Variants in FHIT observed in about 807,000 individuals in gnomAD.
The protein encoded by FHIT is bis(5'-adenosyl)-triphosphatase.
In FHIT, 19 loss-of-function variants were observed where a neutral mutation model predicts 17.9. The observed-to-expected ratio is 1.06, with a 90% CI of 0.74 to 1.56. The LOEUF (loss-of-function observed/expected upper bound fraction) is 1.56. Ranked by LOEUF, FHIT falls within the 40% of genes most tolerant of loss-of-function variation. The probability of loss-of-function intolerance (pLI) is 0.00; values close to 1 mark genes in which losing one functional copy is unlikely to be tolerated. For synonymous variants in FHIT, 81 were observed against 69.7 expected (o/e 1.16, Z -0.81); for missense variants, 248 against 189.2 (o/e 1.31, Z -1.82).
chr3:61,080,672 C>A (rs2035107544), intron 2 of FHIT, among the ~76,000 whole-genome samples: 1 of 151,994 alleles, frequency 6.6e-6, no homozygotes, highest in African/African-American at 2.4e-5. Context: ...GTTTACAAAA[C>A]CCATTCATTT....
At chr3:60,197,733 A>T (rs558251428) in intron 5 of FHIT, among the ~76,000 whole-genome samples, 1 of 152,214 alleles carries the variant, frequency 6.6e-6, no homozygotes, top group South Asian at 2.1e-4. Context: ...ATTGACTGGA[A>T]ATCTGAAAAA....
chr3:61,233,059 C>A (rs374208712), intron 1 of FHIT, among the ~76,000 whole-genome samples: 2 of 152,106 alleles, frequency 1.3e-5, no homozygotes, highest in East Asian at 3.8e-4. Flanking sequence ...TCACTTTATA[C>A]CTTTTTATAT....
chr3:60,108,327 C>A (rs1704517090), intron 5 of FHIT, among the ~76,000 whole-genome samples: 1 of 152,166 alleles, frequency 6.6e-6, no homozygotes, highest in South Asian at 2.1e-4. Flanking sequence ...GCTTTGATTA[C>A]AACTAAATTC....
At position 61,196,766 on chromosome 3, in the gene FHIT, C is replaced by T. The variant is rs538094050; in HGVS notation, c.-164+3851G>A. 5.9e-5 allele frequency among the ~76,000 whole-genome samples: 9 copies of T among 152,276 alleles called. No homozygotes were observed. In the East Asian group the frequency reaches 1.7e-3, roughly 29 times the overall value. ...GGCAGTTACCAGACAGTAGAAAAAGCTGTAGCCGCTGAAGAGAGGCCCCCA... is the reference window on the plus strand; with the variant it reads ...GGCAGTTACCAGACAGTAGAAAAAGTTGTAGCCGCTGAAGAGAGGCCCCCA... On this transcript the variant is annotated intron_variant, in intron 2 of 9. Coordinates refer to ENST00000492590, the MANE Select transcript of FHIT (RefSeq NM_002012.4).
chr3:60,900,323 G>A (rs543821135), intron 3 of FHIT, among the ~76,000 whole-genome samples: 5 of 152,188 alleles, frequency 3.3e-5, no homozygotes, highest in African/African-American at 1.2e-4. Flanking sequence ...TACATGGGAG[G>A]CTGAGATAGG....
chr3:60,150,553 C>T (rs1262689836), intron 5 of FHIT, among the ~76,000 whole-genome samples: 2 of 152,142 alleles, frequency 1.3e-5, no homozygotes, highest in Non-Finnish European at 2.9e-5. Flanking sequence ...ATTCTTTAGT[C>T]TCAGGTGATT....
chr3:59,821,893 A>T (rs776038229), intron 8 of FHIT, among the ~76,000 whole-genome samples: 10 of 152,026 alleles, frequency 6.6e-5, no homozygotes, highest in Non-Finnish European at 1.3e-4. Flanking sequence ...ATTTTGGTGC[A>T]CCCAACACCT....
chr3:60,704,448 C>CA (rs2041323020), intron 4 of FHIT, among the ~76,000 whole-genome samples: 1 of 152,118 alleles, frequency 6.6e-6, no homozygotes, highest in Non-Finnish European at 1.5e-5. Flanking sequence ...ACAGCTCTCC[C>CA]AGACTTCACA....
At chr3:59,984,396 G>T (rs201511718) in intron 7 of FHIT, among the ~76,000 whole-genome samples, 5 of 118,328 alleles carry the variant, frequency 4.2e-5, no homozygotes, top group African/African-American at 1.1e-4. Context: ...AAATCCACTG[G>T]GGGGGGCTCT....
At chr3:59,760,802 C>T (rs986150534) in intron 8 of FHIT, among the ~76,000 whole-genome samples, 1 of 151,768 alleles carries the variant, frequency 6.6e-6, no homozygotes, top group Non-Finnish European at 1.5e-5. Context: ...CAACACTGCT[C>T]CCTGATTGAT....
intron 7 of FHIT, among the ~76,000 whole-genome samples, chr3:59,976,380 T>C (rs1321856163): frequency 6.6e-6 from 1 of 152,078 alleles, no homozygotes; most frequent in Non-Finnish European, 1.5e-5. Flanking sequence ...CAAATCAGCA[T>C]ACTTTTCAAA....
intron 5 of FHIT, among the ~76,000 whole-genome samples, chr3:60,479,704 A>G (rs1227930272): frequency 6.6e-6 from 1 of 152,214 alleles, no homozygotes; most frequent in African/African-American, 2.4e-5. Context: ...ACCTCCTGTC[A>G]GATCAGAGTC....
chr3:60,614,809 G>GTTTTTTTTTTTTTTTTT (rs147892145), intron 4 of FHIT, among the ~76,000 whole-genome samples: 2 of 78,226 alleles, frequency 2.6e-5, no homozygotes, highest in Non-Finnish European at 4.8e-5. Context: ...TGCAAAAGTT[G>GTTTTTTTTTTTTTTTTT]TTTTTTTTTT....
chr3:60,346,069 G>A (rs755904850), intron 5 of FHIT, among the ~76,000 whole-genome samples: 3 of 152,134 alleles, frequency 2.0e-5, no homozygotes, highest in South Asian at 4.1e-4. Context: ...CTGGTTTAAC[G>A]TAATAGAGAA....
intron 5 of FHIT, among the ~76,000 whole-genome samples, chr3:60,251,544 T>A (rs989606316): frequency 1.3e-5 from 2 of 152,230 alleles, no homozygotes; most frequent in African/African-American, 4.8e-5. Context: ...CCAAAGTTTA[T>A]ATTTAAAAAT....
intron 5 of FHIT, among the ~76,000 whole-genome samples, chr3:60,445,479 AAG>A (rs991404433): frequency 6.4e-5 from 9 of 141,662 alleles, no homozygotes; most frequent in African/African-American, 2.4e-4. Context: ...GAAGAAGAAG[AAG>A]AAAAAAAAAA....
chr3:60,150,089 G>C (rs1236210548), intron 5 of FHIT, among the ~76,000 whole-genome samples: 1 of 150,170 alleles, frequency 6.7e-6, no homozygotes, highest in South Asian at 2.1e-4. Flanking sequence ...TCTGCCTCTG[G>C]GGTTCAAGTG....
At chr3:60,514,697 G>A (rs933113247) in intron 5 of FHIT, among the ~76,000 whole-genome samples, 20 of 152,050 alleles carry the variant, frequency 1.3e-4, no homozygotes, top group African/African-American at 4.3e-4. Context: ...CAACAACAAC[G>A]ACAAAAATCC....
At chr3:60,541,001 G>T (rs570991266) in intron 4 of FHIT, among the ~76,000 whole-genome samples, 1 of 152,096 alleles carries the variant, frequency 6.6e-6, no homozygotes, top group South Asian at 2.1e-4. Context: ...AGAAACTCTG[G>T]GACAAGGGCC....
Sources: gnomAD v4.1 joint callset for allele counts (sites outside exome capture counted in the v4.1 genomes callset) on GRCh38, gnomAD v4.1.1 for gene constraint, MANE v1.5 for transcripts, NCBI Gene and HGNC (gene_info 2026-07-23, HGNC 2026-07-21) for gene names.